The following KRT10 variants were observed in gnomAD, a reference collection of about 807,000 sequenced individuals.
KRT10 encodes the protein keratin, type I cytoskeletal 10.
A neutral mutation model predicts 59.2 loss-of-function variants in KRT10; 40 were observed. The observed-to-expected ratio is 0.68, with a 90% CI of 0.52 to 0.88. The LOEUF is 0.88. KRT10 is among the 40% of genes least tolerant of loss of function. KRT10 has a pLI of 0.00. For missense variants in KRT10, 719 were observed against 749.1 expected (o/e 0.96, Z 0.47); for synonymous variants, 336 against 310.7 (o/e 1.08, Z -0.86).
rs1381489463 is a variant in KRT10 at position 40,822,591 on chromosome 17, T to A, written c.-6A>T. 1.2e-6 allele frequency: 2 copies of A among 1,600,312 alleles called. No homozygotes were observed. Among genetic ancestry groups the A allele is most frequent in the South Asian group, 2.2e-5 (2 of 91,068 alleles). On this transcript the variant is annotated 5_prime_UTR_variant, in exon 1 of 8. Transcript: ENST00000269576. ...GAGCTGTATCGAACAGACATGGTGA[T>A]GCTGTTTAGCCCAGGGAGTGCCTGC...
At position 40,819,132 on chromosome 17, in the gene KRT10, C is replaced by T; in HGVS notation, c.1403G>A (p.Ser468Asn). Residue 468 changes from serine to asparagine, a missense_variant, in exon 7 of 8, where the codon AGT (serine) becomes AAT (asparagine). Coordinates refer to ENST00000269576, the MANE Select transcript of KRT10 (RefSeq NM_000421.5). ...TCCGCCGCCGTAGCCGCCGCCGAAACTTCCGCCGCCGCGTCCGCCGCCTCC... is the reference window on the plus strand; with the variant it reads ...TCCGCCGCCGTAGCCGCCGCCGAAATTTCCGCCGCCGCGTCCGCCGCCTCC... ...SSGGGGRGGG[S>N]FGGGYGGGSS... 3.9e-6 allele frequency: 6 copies of T among 1,533,442 alleles called. No individual in the cohort carries two copies. The highest frequency in any genetic ancestry group is 5.2e-6 in the Non-Finnish European group (6 of 1,150,750). The allele number at this position is 1,533,442 out of a possible 1,614,324, so 95.0% of individuals were successfully genotyped here. A position where few individuals can be genotyped will look rare whatever the true frequency, so the allele number is the denominator to read the frequency against.
chr17:40,819,647 C>G lies in KRT10; in HGVS notation c.1243G>C (p.Glu415Gln). ...SQIQAQISAL[E>Q]EQLQQIRAET... ...GCTCGAATCTGTTGCAACTGTTCTT[C>G]CAGAGCGGATATCTGGGCCTGAATC... The change falls in exon 6 of 8, where the codon GAA becomes CAA. Residue 415 changes from glutamate (E) to glutamine (Q), a missense_variant. This residue lies in a region of KRT10 where 315 missense variants were observed against 270.6 expected (regional missense o/e 1.16). Coordinates refer to ENST00000269576, the MANE Select transcript of KRT10 (RefSeq NM_000421.5). 6.2e-7 allele frequency: 1 copy of G among 1,614,142 alleles called. No individual in the cohort carries two copies. Among genetic ancestry groups the G allele is most frequent in the Non-Finnish European group, 8.5e-7 (1 of 1,180,020 alleles).
rs1209764609 is a variant in KRT10, at chr17:40,820,382, A to G, written c.909T>C (p.Asn303=). 6.2e-7 allele frequency: 1 copy of G among 1,614,216 alleles called. No individual in the cohort carries two copies. Residue 303 remains asparagine, a synonymous_variant, in exon 4 of 8, where the codon AAT becomes AAC. Transcript: ENST00000269576. ...CACCCGGGGCAGCATTCATTTCCAC[A>G]TTCACATCACCAGTGGACACATTTC... ...DLRNVSTGDV[N]VEMNAAPGVD...
In KRT10 at chr17:40,818,954, G is replaced by T; in HGVS notation, c.1581C>A (p.Ser527Arg). The change falls in exon 7 of 8, where the codon AGC becomes AGA. Residue 527 changes from serine (S) to arginine (R), a missense_variant. This residue lies in a region of KRT10 where 315 missense variants were observed against 270.6 expected (regional missense o/e 1.16). Coordinates refer to ENST00000269576, the MANE Select transcript of KRT10 (RefSeq NM_000421.5). The stretch of plus-strand genomic sequence containing the variant: ...CGGAACTGCCACCACCGTAGCCGCC[G>T]CTGGAACTGCCGCCGTGGCCGCCGC... ...SSSGGHGGSS[S>R]GGYGGGSSGG... is the part of the protein sequence containing the mutation. 7.2e-7 allele frequency: 1 copy of T among 1,396,788 alleles called. No homozygotes were observed. The highest frequency in any genetic ancestry group is 9.3e-7 in the Non-Finnish European group (1 of 1,076,302). The allele number at this position is 1,396,788 out of a possible 1,614,324, so 86.5% of individuals were successfully genotyped here. A position where few individuals can be genotyped will look rare whatever the true frequency, so the allele number is the denominator to read the frequency against.
rs763606740 is a variant in KRT10, at chr17:40,818,884, T to TGCC, written c.1648_1650dup (p.Gly550dup). 6.6e-7 allele frequency: 1 copy of TGCC among 1,514,886 alleles called. No individual in the cohort carries two copies. The highest frequency in any genetic ancestry group is 8.8e-7 in the Non-Finnish European group (1 of 1,137,820). 93.8% of individuals were successfully genotyped at this position (1,514,886 alleles called of 1,614,324 possible). A position where few individuals can be genotyped will look rare whatever the true frequency, so the allele number is the denominator to read the frequency against. ...CCGCCGTATCCGCCGCCGGAGCTGC[T>TGCC]GCCGCCGCCGGAGCTGCCGCCCCCG... On this transcript the variant is annotated inframe_insertion, in exon 7 of 8. Coordinates refer to ENST00000269576, the MANE Select transcript of KRT10 (RefSeq NM_000421.5).
Position 40,820,053 on chromosome 17 carries a change from G to T in KRT10, c.1151C>A (p.Ala384Asp). The T allele has an allele frequency of 1.2e-6, 2 of 1,612,620 alleles. No individual in the cohort carries two copies. Among genetic ancestry groups the T allele is most frequent in the Admixed American group, 1.7e-5 (1 of 60,036 alleles). Residue 384 changes from alanine (A) to aspartate (D), a missense_variant, in exon 5 of 8, where the codon GCC becomes GAC. This residue lies in a region of KRT10 where 221 missense variants were observed against 277.8 expected (regional missense o/e 0.80). Coordinates refer to ENST00000269576, the MANE Select transcript of KRT10 (RefSeq NM_000421.5). Reference protein sequence around the residue: ...ALEIELQSQLALKQSLEASLA... With the variant: ...ALEIELQSQLDLKQSLEASLA... ...ATTTCATGAGAGTTAACATACCAAG[G>T]CCAGTTGGGACTGTAGTTCTATCTC...
At chr17:40,820,023 A>G (rs1905277713) in intron 5 of KRT10, 26 bp downstream of exon 5, 1 of 1,611,772 alleles carries the variant, frequency 6.2e-7, no homozygotes. Context: ...GATAAAGTTG[A>G]AGTCATTTCA....
intron 7 of KRT10, 147 bp downstream of exon 7, chr17:40,818,639 TG>T: frequency 7.3e-7 from 1 of 1,377,294 alleles, no homozygotes; most frequent in Non-Finnish European, 1.0e-6. Flanking sequence ...TTTTCACGGC[TG>T]GTGTTAAGAG....
At chr17:40,819,364 A>G (rs1033528951) in intron 6 of KRT10, 153 bp downstream of exon 6, 22 of 1,321,892 alleles carry the variant, frequency 1.7e-5, no homozygotes, top group Non-Finnish European at 2.3e-5. Context: ...TTCATGAGAA[A>G]GTGAGATTGC....
chr17:40,820,991 A>G, intron 2 of KRT10, 44 bp downstream of exon 2: 1 of 1,416,748 alleles, frequency 7.1e-7, no homozygotes, highest in East Asian at 2.3e-5. Context: ...AAAACCACTG[A>G]TGTATTCGTT....
chr17:40,822,512 C>CA lies in KRT10; in HGVS notation c.73dup (p.Cys25LeufsTer14). 4.3e-6 allele frequency: 7 copies of CA among 1,611,616 alleles called. No homozygotes were observed. The highest frequency in any genetic ancestry group is 5.9e-6 in the Non-Finnish European group (7 of 1,179,806). On this transcript the variant is annotated frameshift_variant, in exon 1 of 8. Coordinates refer to ENST00000269576, the MANE Select transcript of KRT10 (RefSeq NM_000421.5). LOFTEE classifies it high-confidence loss of function. ...GGATGACACTCCTCCTCCTCCTCCA[C>CA]ATCCTCCTCCTCCTCCTCCTCCTCC...
In KRT10 at chr17:40,821,088, G is replaced by A. The variant is rs1905355563; in HGVS notation, c.657C>T (p.Asn219=). The A allele has an allele frequency of 6.2e-7, 1 of 1,613,926 alleles. No homozygotes were observed. Among genetic ancestry groups the A allele is most frequent in the South Asian group, 1.1e-5 (1 of 91,074 alleles). ...TGGCATTGTCGATCTGAAGCAGGAT[G>A]TTGGCATTATCAGTTGTTAGGTTGA... The part of the protein sequence containing the change: ...QILNLTTDNA[N]ILLQIDNARL... The change falls in exon 2 of 8, where the codon AAC becomes AAT. Residue 219 remains asparagine, a synonymous_variant. Coordinates refer to ENST00000269576, the MANE Select transcript of KRT10 (RefSeq NM_000421.5).
Position 40,822,325 on chromosome 17 carries a change from T to A in KRT10, c.261A>T (p.Gly87=), listed in dbSNP as rs1422409112. Residue 87 remains glycine, a synonymous_variant, in exon 1 of 8, where the codon GGA becomes GGT. Coordinates refer to ENST00000269576, the MANE Select transcript of KRT10 (RefSeq NM_000421.5). Reference sequence around the variant, plus strand: ...CACCAAAGCTGCTACTTCCATAGCTTCCACGAAAGCTACCTCCACCAAAAC... The same window carrying A: ...CACCAAAGCTGCTACTTCCATAGCTACCACGAAAGCTACCTCCACCAAAAC... ...LGGFGGGSFR[G]SYGSSSFGGS... is the part of the protein sequence containing the mutation. 1.4e-5 allele frequency: 22 copies of A among 1,595,294 alleles called. No homozygotes were observed. The highest frequency in any genetic ancestry group is 1.9e-5 in the Non-Finnish European group (22 of 1,170,306).
At chr17:40,820,201 G>T (rs1905288763) in intron 4 of KRT10, 27 bp from the exon 5 acceptor site, 1 of 1,614,080 alleles carries the variant, frequency 6.2e-7, no homozygotes, top group Non-Finnish European at 8.5e-7. Context: ...AAGGAAAAGG[G>T]TGAGGAAATT....
In KRT10 at chr17:40,818,808, T is replaced by C. The variant is rs763714641; in HGVS notation, c.1727A>G (p.Glu576Gly). ...HKSSSSGSVG[E>G]SSSKGPRY ...TGACCTTGGTCCCTTAGATGAAGACTCGCCCACGGACCCGGAAGAGGAGGA... is the reference window on the plus strand; with the variant it reads ...TGACCTTGGTCCCTTAGATGAAGACCCGCCCACGGACCCGGAAGAGGAGGA... The change falls in exon 7 of 8, where the codon GAG becomes GGG. Residue 576 changes from glutamate (E) to glycine (G), a missense_variant. Physicochemically the swap from Glu to Gly is moderately conservative, Grantham distance 98. This residue lies in a region of KRT10 where 315 missense variants were observed against 270.6 expected (regional missense o/e 1.16). Transcript: ENST00000269576. 3.2e-6 allele frequency: 5 copies of C among 1,561,946 alleles called. No individual in the cohort carries two copies. The Middle Eastern group carries it at 6.9e-4, about 214-fold the overall frequency.
At position 40,818,987 on chromosome 17, in the gene KRT10, T is replaced by C. The variant is rs1313903750; in HGVS notation, c.1548A>G (p.Gly516=). The C allele has an allele frequency of 1.0e-4, 136 of 1,324,750 alleles. 2 individuals carry two copies. The South Asian group carries it at 2.0e-3, about 20-fold the overall frequency. The allele number at this position is 1,324,750 out of a possible 1,614,324, so 82.1% of individuals were successfully genotyped here. Residue 516 remains glycine (G), a synonymous_variant, in exon 7 of 8, where the codon GGA becomes GGG. Coordinates refer to ENST00000269576, the MANE Select transcript of KRT10 (RefSeq NM_000421.5). ...TGCCGCCGTGGCCGCCGCTGGAGCT[T>C]CCGCCCCCGTAGCCGCCGCCGGAGC... ...GGSSGGGYGG[G]SSSGGHGGSS... is the part of the protein sequence containing the mutation.
Position 40,818,921 on chromosome 17 carries a change from G to A in KRT10, c.1614C>T (p.Gly538=). Residue 538 remains glycine (G), a synonymous_variant, in exon 7 of 8, where the codon GGC becomes GGT. Transcript: ENST00000269576. Reference sequence around the variant, plus strand: ...AGCTGCCGCCCCCGTAGCCGCCGCCGCCGCCGCCGGAACTGCCACCACCGT... The same window carrying A: ...AGCTGCCGCCCCCGTAGCCGCCGCCACCGCCGCCGGAACTGCCACCACCGT... ...GGYGGGSSGG[G]GGGYGGGSSG... 3 of 1,398,826 alleles carry A rather than the reference G, an allele frequency of 2.1e-6. No individual in the cohort carries two copies. Among genetic ancestry groups the A allele is most frequent in the Non-Finnish European group, 2.8e-6 (3 of 1,069,498 alleles). The allele number at this position is 1,398,826 out of a possible 1,614,324, so 86.7% of individuals were successfully genotyped here.
chr17:40,821,950 A>G lies in KRT10; in HGVS notation c.627+9T>C, dbSNP rs958512006. 1 of 1,613,492 alleles carries G rather than the reference A, an allele frequency of 6.2e-7. No homozygotes were observed. Among genetic ancestry groups the G allele is most frequent in the Non-Finnish European group, 8.5e-7 (1 of 1,179,434 alleles). On this transcript the variant is annotated intron_variant, in intron 1 of 7. Transcript: ENST00000269576. ...GATACTTAAAGCTGGATTTAAAAAT[A>G]CCTCTTACCTGATTTTTAAGGTCAT...
At position 40,821,019 on chromosome 17, in the gene KRT10, C is replaced by T. The variant is rs1905350326; in HGVS notation, c.710+16G>A. The T allele has an allele frequency of 1.3e-6, 2 of 1,588,320 alleles. No individual in the cohort carries two copies. The highest frequency in any genetic ancestry group is 1.3e-5 in the African/African-American group (1 of 74,502). On this transcript the variant is annotated intron_variant, in intron 2 of 7. Coordinates refer to ENST00000269576, the MANE Select transcript of KRT10 (RefSeq NM_000421.5). Reference sequence around the variant, plus strand: ...TATTCGTTGTGATAGTATTATACAACGATCACTTAACTTACTTCAGCCTGA... The same window carrying T: ...TATTCGTTGTGATAGTATTATACAATGATCACTTAACTTACTTCAGCCTGA...
Sources: gnomAD v4.1 joint callset for allele counts on GRCh38, gnomAD v4.1.1 for gene constraint, gnomAD v4.1.1 regional missense constraint, MANE v1.5 for transcripts, NCBI Gene and HGNC (gene_info 2026-07-23, HGNC 2026-07-21) for gene names.